Variants in CDK10 observed in about 807,000 individuals in gnomAD.
CDK10 encodes cyclin-dependent kinase 10.
CDK10 carries 55 observed loss-of-function variants against 51.0 expected under a neutral mutation model. That is an observed-to-expected ratio of 1.08 (90% confidence interval 0.87 to 1.35). CDK10 has a LOEUF of 1.35. CDK10 is among the 40% of genes most tolerant of loss of function. The pLI is 0.00. For synonymous variants in CDK10, 255 were observed against 199.1 expected (o/e 1.28, Z -2.36); for missense variants, 589 against 485.1 (o/e 1.21, Z -2.01).
Position 89,689,286 on chromosome 16 carries a change from A to G in CDK10, c.122A>G (p.Lys41Arg). ...TGCCGGAGTGTGAAGGAGTTTGAGA[A>G]GCTGAACCGCATTGGAGAGGGTACC... ...GRCRSVKEFEKLNRIGEGTYG... is the reference protein window; with the variant it reads ...GRCRSVKEFERLNRIGEGTYG... Residue 41 changes from lysine (K) to arginine (R), a missense_variant, in exon 2 of 13, where the codon AAG becomes AGG. Coordinates refer to ENST00000353379, the MANE Select transcript of CDK10 (RefSeq NM_052988.5). The G allele has an allele frequency of 1.2e-6, 2 of 1,614,072 alleles. No homozygotes were observed. The highest frequency in any genetic ancestry group is 1.7e-6 in the Non-Finnish European group (2 of 1,179,986).
intron 2 of CDK10, 90 bp downstream of exon 2, chr16:89,689,414 G>GA: frequency 9.0e-7 from 1 of 1,113,706 alleles, no homozygotes; most frequent in Non-Finnish European, 1.4e-6. Flanking sequence ...CGTTGGGGCT[G>GA]GAAGGGACTC....
chr16:89,689,677 G>A (rs2060355237), intron 2 of CDK10: 1 of 227,276 alleles, frequency 4.4e-6, no homozygotes. Flanking sequence ...CCTGAGCCCA[G>A]GTGTTTTTTC....
intron 1 of CDK10, 177 bp downstream of exon 1, chr16:89,686,974 C>T (rs1019382957): frequency 5.7e-5 from 31 of 545,134 alleles, no homozygotes; most frequent in Non-Finnish European, 9.5e-5. Context: ...TCAGGACCCC[C>T]GACAGCCGGT....
chr16:89,687,955 TA>T (rs1467077394), intron 1 of CDK10: 3 of 228,888 alleles, frequency 1.3e-5, no homozygotes, highest in African/African-American at 2.3e-5. Context: ...CTCACACCTG[TA>T]ATCTCAGCAA....
intron 1 of CDK10, chr16:89,687,347 T>G (rs1597829170): frequency 2.4e-6 from 1 of 409,650 alleles, no homozygotes; most frequent in Non-Finnish European, 5.0e-6. Context: ...GCACGGCTGG[T>G]GGGGGTGGAG....
Position 89,692,454 on chromosome 16 carries a change from G to A in CDK10, c.423G>A (p.Lys141=). ...ACCTCTGACCCTCTGCACAGGTCAAGTGCATCGTGCTGCAGGTGCTCCGGG... is the reference window on the plus strand; with the variant it reads ...ACCTCTGACCCTCTGCACAGGTCAAATGCATCGTGCTGCAGGTGCTCCGGG... ...MPTPFSEAQV[K]CIVLQVLRGL... Residue 141 remains lysine, a synonymous_variant, in exon 6 of 13, where the codon AAG becomes AAA. Transcript: ENST00000353379. The A allele has an allele frequency of 6.3e-7, 1 of 1,590,886 alleles. No individual in the cohort carries two copies. The highest frequency in any genetic ancestry group is 8.6e-7 in the Non-Finnish European group (1 of 1,168,694).
In CDK10 at chr16:89,693,271, C is replaced by T; in HGVS notation, c.486-3C>T. On this transcript the variant is annotated splice_polypyrimidine_tract_variant and splice_region_variant and intron_variant, in intron 6 of 12. Transcript: ENST00000353379. ...GCCACCTGCCACTGTTTTTCCATCACAGGGACCTGAAGGTTTCCAACTTGC... is the reference window on the plus strand; with the variant it reads ...GCCACCTGCCACTGTTTTTCCATCATAGGGACCTGAAGGTTTCCAACTTGC... 6.2e-7 allele frequency: 1 copy of T among 1,614,120 alleles called. No individual in the cohort carries two copies. Among genetic ancestry groups the T allele is most frequent in the Non-Finnish European group, 8.5e-7 (1 of 1,180,020 alleles).
chr16:89,686,893 C>A, intron 1 of CDK10, 96 bp downstream of exon 1: 1 of 1,070,244 alleles, frequency 9.3e-7, no homozygotes, highest in Non-Finnish European at 1.4e-6. Context: ...CGCGCCGAGG[C>A]TTCCGGCACG....
Position 89,686,742 on chromosome 16 carries a change from T to A in CDK10, c.32T>A (p.Ile11Asn). The part of the protein sequence containing the change: MAEPDLECEQ[I>N]RLKCIRKEGF... ...GAGCCAGATCTGGAGTGCGAGCAGA[T>A]CCGTCTGAAGTGTATTCGTAAGGAG... The change falls in exon 1 of 13, where the codon ATC (isoleucine) becomes AAC (asparagine). Residue 11 changes from isoleucine to asparagine, a missense_variant. Transcript: ENST00000353379. 1 of 1,612,144 alleles carries A rather than the reference T, an allele frequency of 6.2e-7. No homozygotes were observed. Among genetic ancestry groups the A allele is most frequent in the Non-Finnish European group, 8.5e-7 (1 of 1,179,152 alleles).
Position 89,694,651 on chromosome 16 carries a change from A to G in CDK10, c.669-14A>G, listed in dbSNP as rs1047950420. 3.2e-6 allele frequency: 5 copies of G among 1,583,002 alleles called. No individual in the cohort carries two copies. Among genetic ancestry groups the G allele is most frequent in the Non-Finnish European group, 3.4e-6 (4 of 1,166,224 alleles). On this transcript the variant is annotated splice_polypyrimidine_tract_variant and intron_variant, in intron 9 of 12. Coordinates refer to ENST00000353379, the MANE Select transcript of CDK10 (RefSeq NM_052988.5). ...CAGACGTCTGGCCGCAGTGAGGTCC[A>G]CTGTTCTCTGCAGGGCTGTGGGCTG...
Position 89,686,889 on chromosome 16 carries a change from G to T in CDK10, c.87+92G>T, listed in dbSNP as rs1204040502. ...GAGCCTCGTGTCGCGCTGCCGCGCC[G>T]AGGCTTCCGGCACGGGCGGGAACGA... On this transcript the variant is annotated intron_variant, in intron 1 of 12. Coordinates refer to ENST00000353379, the MANE Select transcript of CDK10 (RefSeq NM_052988.5). 4.5e-6 allele frequency: 5 copies of T among 1,099,572 alleles called. No homozygotes were observed. The African/African-American group carries it at 6.6e-5, about 14-fold the overall frequency. The allele number at this position is 1,099,572 out of a possible 1,614,324, so 68.1% of individuals were successfully genotyped here. A position where few individuals can be genotyped will look rare whatever the true frequency, so the allele number is the denominator to read the frequency against.
chr16:89,694,497 C>T (rs2060606494), intron 9 of CDK10, 168 bp from the exon 10 acceptor site: 3 of 1,272,978 alleles, frequency 2.4e-6, no homozygotes, highest in Non-Finnish European at 3.3e-6. Context: ...GCCTGCGGGG[C>T]CCAGGAGGGG....
In CDK10 at chr16:89,696,223, A is replaced by AC. The variant is rs1298596758; in HGVS notation, c.*532dup. 2 of 264,484 alleles carry AC rather than the reference A, an allele frequency of 7.6e-6. No individual in the cohort carries two copies. The highest frequency in any genetic ancestry group is 1.5e-5 in the Non-Finnish European group (2 of 135,628). The allele number at this position is 264,484 out of a possible 1,614,324, so 16.4% of individuals were successfully genotyped here. ...GAGCCACAATTGAGGATACCCCGAG[A>AC]CTACCAGGAGAGCCCTGGGCTGGAG... On this transcript the variant is annotated 3_prime_UTR_variant, in exon 13 of 13. Coordinates refer to ENST00000353379, the MANE Select transcript of CDK10 (RefSeq NM_052988.5).
At chr16:89,695,093 C>T (rs755949658) in intron 11 of CDK10, 23 bp downstream of exon 11, 2 of 1,602,894 alleles carry the variant, frequency 1.2e-6, no homozygotes, top group South Asian at 1.1e-5. Context: ...GCACGGGGGG[C>T]AGGGACCCTC....
At chr16:89,689,382 G>GTCCC in intron 2 of CDK10, 58 bp downstream of exon 2, 1 of 1,487,362 alleles carries the variant, frequency 6.7e-7, no homozygotes, top group Non-Finnish European at 9.4e-7. Flanking sequence ...AGTGTGGGAC[G>GTCCC]AGACTGTCGA....
In CDK10 at chr16:89,694,218, C is replaced by T. The variant is rs2060587709; in HGVS notation, c.654C>T (p.Thr218=). ...TGTTGGGAACCACCACGCAGACCAC[C>T]AGCATCGACATGTGGTGAGGAGATA... The part of the protein sequence containing the change: ...ELLLGTTTQT[T]SIDMWAVGCI... The change falls in exon 9 of 13, where the codon ACC becomes ACT. Residue 218 remains threonine, a synonymous_variant. Transcript: ENST00000353379. The T allele has an allele frequency of 1.2e-6, 2 of 1,613,960 alleles. No individual in the cohort carries two copies. The highest frequency in any genetic ancestry group is 1.7e-6 in the Non-Finnish European group (2 of 1,179,920).
intron 8 of CDK10, chr16:89,693,764 A>G: frequency 1.8e-6 from 1 of 556,164 alleles, no homozygotes; most frequent in East Asian, 3.1e-5. Flanking sequence ...TGCTTCACGG[A>G]CTGAAGGACA....
rs986033534 is a variant in CDK10 at position 89,696,120 on chromosome 16, G to A, written c.*428G>A. The A allele has an allele frequency of 2.4e-6, 1 of 424,862 alleles. No homozygotes were observed. 26.3% of individuals were successfully genotyped at this position (424,862 alleles called of 1,614,324 possible). ...TCTCAGTCGCCCGGGGCTGTCCCGT[G>A]CATGGGTTGGCTGTGGGGACCCCAG... is the stretch of plus-strand genomic sequence containing the variant. On this transcript the variant is annotated 3_prime_UTR_variant, in exon 13 of 13. Transcript: ENST00000353379.
At chr16:89,688,304 G>C (rs2060292114) in intron 1 of CDK10, among the ~76,000 whole-genome samples, 1 of 151,910 alleles carries the variant, frequency 6.6e-6, no homozygotes, top group African/African-American at 2.4e-5. Flanking sequence ...GGGTGCTCTA[G>C]ATCTCCTGAC....
Sources: gnomAD v4.1 joint callset for allele counts (sites outside exome capture counted in the v4.1 genomes callset) on GRCh38, gnomAD v4.1.1 for gene constraint, MANE v1.5 for transcripts, NCBI Gene and HGNC (gene_info 2026-07-23, HGNC 2026-07-21) for gene names.